The following AFG2A variants were observed in gnomAD, a reference collection of about 807,000 sequenced individuals.
AFG2A encodes AAA ATPase AFG2A.
the AFG2A span, among the ~76,000 whole-genome samples, chr4:123,134,974 G>A: frequency 2.0e-5 from 3 of 152,048 alleles, no homozygotes; most frequent in African/African-American, 7.2e-5. Flanking sequence ...CTATAGGCCA[G>A]TATTCCTGAT....
chr4:123,057,412 T>C, the AFG2A span: 1 of 1,025,228 alleles, frequency 9.8e-7, no homozygotes, highest in East Asian at 2.7e-5. Flanking sequence ...CCTAAAAAAG[T>C]TTTCAGTTTT....
the AFG2A span, among the ~76,000 whole-genome samples, chr4:123,115,264 G>A: frequency 2.0e-5 from 3 of 152,032 alleles, no homozygotes; most frequent in African/African-American, 7.2e-5. Context: ...GGGGCAGATC[G>A]CGGGCCCCAA....
chr4:123,217,299 G>A, the AFG2A span, among the ~76,000 whole-genome samples: 1 of 152,154 alleles, frequency 6.6e-6, no homozygotes, highest in Non-Finnish European at 1.5e-5. Flanking sequence ...TTCCTTAGCA[G>A]AAGCAGTGTT....
the AFG2A span, among the ~76,000 whole-genome samples, chr4:122,932,191 C>G: frequency 1.3e-5 from 2 of 151,888 alleles, no homozygotes; most frequent in East Asian, 1.9e-4. Flanking sequence ...GGGAGGATCA[C>G]TTGAGCCTGT....
At chr4:123,023,941 T>C in the AFG2A span, among the ~76,000 whole-genome samples, 1 of 146,410 alleles carries the variant, frequency 6.8e-6, no homozygotes, top group Admixed American at 6.7e-5. Context: ...GAGCAGGGGT[T>C]CCTGCCCCCC....
the AFG2A span, among the ~76,000 whole-genome samples, chr4:123,078,937 G>A: frequency 1.3e-5 from 2 of 152,124 alleles, no homozygotes; most frequent in African/African-American, 4.8e-5. Context: ...CTTCACCTAG[G>A]AACTTTTTGA....
At chr4:123,136,857 AG>A in the AFG2A span, among the ~76,000 whole-genome samples, 3 of 150,308 alleles carry the variant, frequency 2.0e-5, no homozygotes, top group South Asian at 2.1e-4. Context: ...AAAAAAAAAA[AG>A]AAAAAAAGAG....
the AFG2A span, among the ~76,000 whole-genome samples, chr4:123,182,268 A>G: frequency 2.0e-5 from 3 of 152,244 alleles, no homozygotes; most frequent in Non-Finnish European, 4.4e-5. Flanking sequence ...ATTTTAATTT[A>G]AAAACCACTA....
At chr4:123,157,714 A>G in the AFG2A span, among the ~76,000 whole-genome samples, 1 of 152,194 alleles carries the variant, frequency 6.6e-6, no homozygotes, top group African/African-American at 2.4e-5. Flanking sequence ...CTCTAGCCAC[A>G]TTCACTCCAA....
chr4:123,131,460 A>G, the AFG2A span, among the ~76,000 whole-genome samples: 5 of 152,094 alleles, frequency 3.3e-5, no homozygotes, highest in African/African-American at 4.8e-5. Flanking sequence ...CTTTTTCATC[A>G]TGGAAAACAG....
At chr4:122,973,591 A>G in the AFG2A span, among the ~76,000 whole-genome samples, 2 of 151,786 alleles carry the variant, frequency 1.3e-5, no homozygotes, top group African/African-American at 4.8e-5. Context: ...TCCTTGGCTT[A>G]TTAGGGGCTA....
chr4:123,147,293 T>A, the AFG2A span, among the ~76,000 whole-genome samples: 1 of 151,900 alleles, frequency 6.6e-6, no homozygotes, highest in Non-Finnish European at 1.5e-5. Context: ...GTGATGGGGG[T>A]GGAAGTTTCT....
chr4:123,311,625 C>CAAAAAAAAAAAAAAAA, the AFG2A span, among the ~76,000 whole-genome samples: 1 of 92,234 alleles, frequency 1.1e-5, no homozygotes, highest in East Asian at 3.5e-4. Flanking sequence ...GACTCTGTCT[C>CAAAAAAAAAAAAAAAA]AAAAAAAAAA....
chr4:123,232,674 G>A, the AFG2A span, among the ~76,000 whole-genome samples: 2 of 151,830 alleles, frequency 1.3e-5, no homozygotes, highest in African/African-American at 2.4e-5. Context: ...TGTGTTGAAC[G>A]AGGGTTTTTA....
chr4:122,936,933 T>G, the AFG2A span, among the ~76,000 whole-genome samples: 2 of 152,150 alleles, frequency 1.3e-5, no homozygotes, highest in South Asian at 4.1e-4. Flanking sequence ...TCAGTTGAGA[T>G]CGTGCCATTG....
chr4:123,212,952 A>G, the AFG2A span, among the ~76,000 whole-genome samples: 1 of 152,196 alleles, frequency 6.6e-6, no homozygotes, highest in Non-Finnish European at 1.5e-5. Context: ...AGCCTGTTAT[A>G]TGGTTACTTT....
the AFG2A span, among the ~76,000 whole-genome samples, chr4:122,950,540 A>G: frequency 2.6e-5 from 4 of 152,178 alleles, no homozygotes; most frequent in South Asian, 2.1e-4. Context: ...AGGTTTCACT[A>G]TGTTGGGCAG....
the AFG2A span, among the ~76,000 whole-genome samples, chr4:123,097,589 G>A: frequency 6.6e-6 from 1 of 152,090 alleles, no homozygotes; most frequent in African/African-American, 2.4e-5. Context: ...ACTCTCATAA[G>A]TGTTTTTGTT....
chr4:123,224,200 T>G, the AFG2A span, among the ~76,000 whole-genome samples: 1 of 152,102 alleles, frequency 6.6e-6, no homozygotes, highest in Non-Finnish European at 1.5e-5. Flanking sequence ...CTCTCCTTTT[T>G]CTTTTTTTCT....
Sources: gnomAD v4.1 joint callset for allele counts (sites outside exome capture counted in the v4.1 genomes callset) on GRCh38, gnomAD v4.1.1 for gene constraint, MANE v1.5 for transcripts, NCBI Gene and HGNC (gene_info 2026-07-23, HGNC 2026-07-21) for gene names.